CAMK1D: variants seen among roughly 807,000 people sequenced by gnomAD.
The protein encoded by CAMK1D is calcium/calmodulin dependent protein kinase ID.
A neutral mutation model predicts 47.7 loss-of-function variants in CAMK1D; 9 were observed. That is an observed-to-expected ratio of 0.19 (90% confidence interval 0.11 to 0.33). The LOEUF is 0.33. CAMK1D is among the 10% of genes least tolerant of loss of function. The pLI, the probability that CAMK1D is intolerant of heterozygous loss-of-function variation, is 1.00. For synonymous variants in CAMK1D, 184 were observed against 184.9 expected, an observed-to-expected ratio of 0.99 and a Z score of 0.04; for missense variants, 291 against 488.7, an observed-to-expected ratio of 0.60 and a Z score of 3.81.
chr10:12,672,989 C>T lies in CAMK1D; in HGVS notation c.299+6179C>T, dbSNP rs141449175. 4.1e-3 allele frequency among the ~76,000 whole-genome samples: 607 copies of T among 149,284 alleles called. 2 individuals carry two copies. In the Middle Eastern group the frequency reaches 0.053, roughly 13 times the overall value. On this transcript the variant is annotated intron_variant, in intron 3 of 10. Transcript: ENST00000619168. ...TTGGCTCACTGCAACTTCCGCCTCC[C>T]GGGTTCAAGCAATTCTTGTGCCTCA...
chr10:12,735,124 T>C (rs148981653), intron 3 of CAMK1D, among the ~76,000 whole-genome samples: 1,779 of 152,308 alleles, frequency 0.012, 37 homozygotes, highest in African/African-American at 0.04. Context: ...CTCAGTCCCC[T>C]GATGATCTCG....
At chr10:12,609,621 T>C (rs1838564916) in intron 2 of CAMK1D, among the ~76,000 whole-genome samples, 1 of 152,084 alleles carries the variant, frequency 6.6e-6, no homozygotes, top group African/African-American at 2.4e-5. Flanking sequence ...CCCATGAGAA[T>C]CTAATGCCAC....
chr10:12,613,830 GGTTGA>G (rs1453099653), intron 2 of CAMK1D, among the ~76,000 whole-genome samples: 3 of 152,152 alleles, frequency 2.0e-5, no homozygotes, highest in Admixed American at 2.0e-4. Flanking sequence ...TTCTGGGTAC[GGTTGA>G]GTTGTGTGTT....
At chr10:12,628,818 A>G (rs1169470323) in intron 2 of CAMK1D, among the ~76,000 whole-genome samples, 4 of 152,106 alleles carry the variant, frequency 2.6e-5, no homozygotes, top group Non-Finnish European at 4.4e-5. Context: ...TTTGGCTGCC[A>G]CTGACCTTTT....
chr10:12,686,553 A>G (rs971683442), intron 3 of CAMK1D, among the ~76,000 whole-genome samples: 5 of 152,132 alleles, frequency 3.3e-5, no homozygotes, highest in Admixed American at 6.6e-5. Flanking sequence ...GGAACTCCTG[A>G]CCTCAAATGA....
chr10:12,551,743 A>G (rs907422641), intron 1 of CAMK1D, among the ~76,000 whole-genome samples: 9 of 152,310 alleles, frequency 5.9e-5, no homozygotes, highest in Admixed American at 3.9e-4. Context: ...GTCTCAAAAA[A>G]ATGAAATAAA....
At chr10:12,510,370 T>G (rs1835003758) in intron 1 of CAMK1D, among the ~76,000 whole-genome samples, 1 of 152,016 alleles carries the variant, frequency 6.6e-6, no homozygotes, top group Non-Finnish European at 1.5e-5. Context: ...GAGCTGAGAT[T>G]GTGCCACTGC....
chr10:12,712,907 A>C (rs1187567322), intron 3 of CAMK1D, among the ~76,000 whole-genome samples: 1 of 152,104 alleles, frequency 6.6e-6, no homozygotes, highest in East Asian at 1.9e-4. Flanking sequence ...AGCCAGCTTC[A>C]TTGTCAGTTC....
chr10:12,623,800 C>T (rs574336061), intron 2 of CAMK1D, among the ~76,000 whole-genome samples: 33 of 152,050 alleles, frequency 2.2e-4, no homozygotes, highest in Admixed American at 1.8e-3. Flanking sequence ...AATTAAGGGC[C>T]GGGTGTGGTG....
chr10:12,427,437 C>T (rs913360983), intron 1 of CAMK1D, among the ~76,000 whole-genome samples: 1 of 152,154 alleles, frequency 6.6e-6, no homozygotes, highest in Admixed American at 6.5e-5. Flanking sequence ...CCTCTGCTCT[C>T]CTGACAGTGT....
At chr10:12,756,003 A>T (rs1408419039) in intron 3 of CAMK1D, among the ~76,000 whole-genome samples, 2 of 152,146 alleles carry the variant, frequency 1.3e-5, no homozygotes, top group African/African-American at 4.8e-5. Flanking sequence ...GCCTTTGTGA[A>T]TTTCAAAGGT....
intron 2 of CAMK1D, among the ~76,000 whole-genome samples, chr10:12,599,259 G>A (rs78034325): frequency 6.6e-6 from 1 of 152,154 alleles, no homozygotes; most frequent in African/African-American, 2.4e-5. Context: ...AGGTGGAAGT[G>A]ATTCCCTGCT....
chr10:12,466,588 ATTTC>A (rs1833597430), intron 1 of CAMK1D, among the ~76,000 whole-genome samples: 1 of 131,818 alleles, frequency 7.6e-6, no homozygotes, highest in African/African-American at 3.0e-5. Flanking sequence ...CTGTCTCTGA[ATTTC>A]TTTTTTTTTT....
intron 6 of CAMK1D, among the ~76,000 whole-genome samples, chr10:12,800,249 G>A (rs1838368955): frequency 6.6e-6 from 1 of 152,196 alleles, no homozygotes; most frequent in South Asian, 2.1e-4. Flanking sequence ...GCCATTAAAT[G>A]CTATAAATCC....
At chr10:12,607,855 G>C (rs541704960) in intron 2 of CAMK1D, among the ~76,000 whole-genome samples, 1 of 152,258 alleles carries the variant, frequency 6.6e-6, no homozygotes, top group African/African-American at 2.4e-5. Context: ...CAGATACTTG[G>C]GAGGCTGAGG....
In CAMK1D at chr10:12,833,380, T is replaced by A. The variant is rs1833451277; in HGVS notation, c.*4493T>A. On this transcript the variant is annotated 3_prime_UTR_variant, in exon 11 of 11. Transcript: ENST00000619168. ...TCCTCTCCCCTGTGGAATGACAGCT[T>A]AACCTGATTAACCCACTGGGGCTTG... The A allele has an allele frequency of 3.3e-5, 5 of 152,408 alleles. No individual in the cohort carries two copies. Among genetic ancestry groups the A allele is most frequent in the African/African-American group, 1.2e-4 (5 of 41,598 alleles). 9.4% of individuals were successfully genotyped at this position (152,408 alleles called of 1,614,324 possible).
intron 1 of CAMK1D, among the ~76,000 whole-genome samples, chr10:12,539,915 A>C (rs1350808263): frequency 6.6e-6 from 1 of 152,008 alleles, no homozygotes; most frequent in Non-Finnish European, 1.5e-5. Flanking sequence ...TCTCAAAAAG[A>C]GGTGAATTTT....
rs181159951 is a variant in CAMK1D at position 12,480,384 on chromosome 10, G to A, written c.93-72841G>A. 6.2e-3 allele frequency among the ~76,000 whole-genome samples: 950 copies of A among 152,054 alleles called. 15 individuals carry two copies. Among genetic ancestry groups the A allele is most frequent in the African/African-American group, 0.021 (881 of 41,472 alleles). ...CGGGAGGCGGAGGTTGCAGTGAGCC[G>A]AGATCGCGCCACTGCACTCCAGCTT... On this transcript the variant is annotated intron_variant, in intron 1 of 10. Transcript: ENST00000619168.
rs199651071 is a variant in CAMK1D, at chr10:12,476,243, G to T, written c.93-76982G>T. ...GGAGGCGGAGGTTGCAGTGAGCCGA[G>T]ATCACACCACCGCACTCTAGCCTGG... On this transcript the variant is annotated intron_variant, in intron 1 of 10. Transcript: ENST00000619168. Among the ~76,000 whole-genome samples, 24 of 149,138 alleles carry T rather than the reference G, an allele frequency of 1.6e-4. No homozygotes were observed. The East Asian group carries it at 3.1e-3, about 20-fold the overall frequency.
Sources: gnomAD v4.1 joint callset for allele counts (sites outside exome capture counted in the v4.1 genomes callset) on GRCh38, gnomAD v4.1.1 for gene constraint, MANE v1.5 for transcripts, NCBI Gene and HGNC (gene_info 2026-07-23, HGNC 2026-07-21) for gene names.